The following JAK1 variants were observed in gnomAD, a reference collection of about 807,000 sequenced individuals.
JAK1 encodes tyrosine-protein kinase JAK1.
JAK1 carries 16 observed loss-of-function variants against 136.6 expected under a neutral mutation model. The observed-to-expected ratio is 0.12, with a 90% CI of 0.08 to 0.18. The LOEUF (loss-of-function observed/expected upper bound fraction) is 0.18. Among genes scored for constraint, JAK1 ranks in the 10% least tolerant of loss-of-function variants. The pLI, the probability that JAK1 is intolerant of heterozygous loss-of-function variation, is 1.00. For missense variants in JAK1, 859 were observed against 1,450.1 expected (o/e 0.59, Z 6.62); for synonymous variants, 492 against 519.5 (o/e 0.95, Z 0.72).
chr1:64,981,220 A>G (rs1646542405), intron 2 of JAK1, among the ~76,000 whole-genome samples: 1 of 152,210 alleles, frequency 6.6e-6, no homozygotes, highest in Admixed American at 6.5e-5. Context: ...TGAGTCAGGA[A>G]GGGTTTTTTG....
At chr1:64,905,534 G>T (rs1379739264) in intron 1 of JAK1, among the ~76,000 whole-genome samples, 1 of 152,138 alleles carries the variant, frequency 6.6e-6, no homozygotes, top group Non-Finnish European at 1.5e-5. Context: ...ATTGAAAGCA[G>T]ATATTGTACA....
At chr1:65,050,556 G>A (rs2100857616) in intron 1 of JAK1, among the ~76,000 whole-genome samples, 1 of 152,328 alleles carries the variant, frequency 6.6e-6, no homozygotes, top group South Asian at 2.1e-4. Context: ...GGACCACACT[G>A]CCCAGGGCAT....
upstream of JAK1, among the ~76,000 whole-genome samples, chr1:64,971,492 C>T (rs1265664242): frequency 1.3e-5 from 2 of 151,986 alleles, no homozygotes; most frequent in Non-Finnish European, 2.9e-5. Context: ...ACTACAGGTG[C>T]GTGCCATCAC....
rs375338629 is a variant in JAK1 at position 64,997,732 on chromosome 1, T to C, written c.-78+46748A>G. Among the ~76,000 whole-genome samples the C allele has an allele frequency of 1.9e-4, 29 of 152,190 alleles. 5 individuals are homozygous for C. Among genetic ancestry groups the C allele is most frequent in the Admixed American group, 3.3e-4 (5 of 15,270 alleles). On this transcript the variant is annotated intron_variant, in intron 2 of 25. Transcript: ENST00000671954. Reference sequence around the variant, plus strand: ...GGAGTGTGGGGCTGTCGGGGACTGTTGTGGGGAGGAGTCTCTTCTCCAGAA... The same window carrying C: ...GGAGTGTGGGGCTGTCGGGGACTGTCGTGGGGAGGAGTCTCTTCTCCAGAA...
chr1:64,838,643 G>A, intron 20 of JAK1, 54 bp from the exon 21 acceptor site: 1 of 1,593,096 alleles, frequency 6.3e-7, no homozygotes, highest in Non-Finnish European at 8.5e-7. Flanking sequence ...GGAACCATGG[G>A]AGAGGCAAGG....
At chr1:64,915,318 T>C (rs7539158) in intron 1 of JAK1, among the ~76,000 whole-genome samples, 5 of 152,122 alleles carry the variant, frequency 3.3e-5, no homozygotes, top group Admixed American at 1.3e-4. Flanking sequence ...CTTTGGAAAC[T>C]GGAAAGTAGT....
intron 8 of JAK1, among the ~76,000 whole-genome samples, chr1:64,862,503 ATTTC>A (rs751014399): frequency 2.1e-4 from 32 of 152,314 alleles, no homozygotes; most frequent in Admixed American, 3.9e-4. Context: ...GGAATCAAGT[ATTTC>A]TTTCTTCCTG....
rs1428531524 is a variant in JAK1, at chr1:64,833,242, A to ATATT, written c.*1316_*1319dup. 1.8e-5 allele frequency: 4 copies of ATATT among 224,950 alleles called. No individual in the cohort carries two copies. Among genetic ancestry groups the ATATT allele is most frequent in the East Asian group, 6.4e-5 (1 of 15,540 alleles). 13.9% of individuals were successfully genotyped at this position (224,950 alleles called of 1,614,324 possible). A position where few individuals can be genotyped will look rare whatever the true frequency, so the allele number is the denominator to read the frequency against. On this transcript the variant is annotated 3_prime_UTR_variant, in exon 25 of 25. Transcript: ENST00000342505. The stretch of plus-strand genomic sequence containing the variant: ...GGCATATGCATGTAAAGTCTTTAGT[A>ATATT]TATTTATTTGTATAAAGAGTAAACA...
At chr1:65,006,361 CTTTTTTA>C (rs1646803946) in intron 2 of JAK1, among the ~76,000 whole-genome samples, 1 of 151,922 alleles carries the variant, frequency 6.6e-6, no homozygotes, top group Non-Finnish European at 1.5e-5. Flanking sequence ...ATTGTTTCTT[CTTTTTTA>C]TTTTTTAAAG....
intron 11 of JAK1, among the ~76,000 whole-genome samples, chr1:64,851,591 C>T (rs1184801794): frequency 6.6e-6 from 1 of 152,186 alleles, no homozygotes; most frequent in Non-Finnish European, 1.5e-5. Context: ...AGTAGACTAT[C>T]CCCCAGATTC....
chr1:64,841,615 G>A lies in JAK1; in HGVS notation c.2404-14C>T, dbSNP rs376505919. ...GAATCTCTCTTTCTGTAAACAAGAG[G>A]GGCACATGGAAGAAACCAAAGGAAC... On this transcript the variant is annotated splice_polypyrimidine_tract_variant and intron_variant, in intron 17 of 24. Coordinates refer to ENST00000342505, the MANE Select transcript of JAK1 (RefSeq NM_002227.4). 3.2e-5 allele frequency: 51 copies of A among 1,613,092 alleles called. No homozygotes were observed. The highest frequency in any genetic ancestry group is 5.3e-5 in the African/African-American group (4 of 74,872).
At chr1:64,968,876 G>A (rs1646424406), upstream of JAK1, among the ~76,000 whole-genome samples, 1 of 146,932 alleles carries the variant, frequency 6.8e-6, no homozygotes, top group African/African-American at 2.5e-5. Context: ...AGTTTGCAGT[G>A]AGCTGAGATT....
chr1:64,892,150 A>G (rs1644947359), intron 1 of JAK1, among the ~76,000 whole-genome samples: 1 of 152,244 alleles, frequency 6.6e-6, no homozygotes, highest in Non-Finnish European at 1.5e-5. Flanking sequence ...TAATCTTATT[A>G]AAGAGCAATG....
At chr1:64,996,978 T>A (rs1253292414) in intron 2 of JAK1, among the ~76,000 whole-genome samples, 1 of 152,190 alleles carries the variant, frequency 6.6e-6, no homozygotes, top group Non-Finnish European at 1.5e-5. Context: ...CCTCTTTCAA[T>A]AATTTATATC....
intron 2 of JAK1, among the ~76,000 whole-genome samples, chr1:65,041,284 C>T (rs1647130539): frequency 6.6e-6 from 1 of 152,174 alleles, no homozygotes; most frequent in Admixed American, 6.5e-5. Flanking sequence ...GTGATTTTCT[C>T]ATTTCCCCAG....
At chr1:65,065,196 G>A (rs1330278489) in intron 1 of JAK1, among the ~76,000 whole-genome samples, 1 of 152,156 alleles carries the variant, frequency 6.6e-6, no homozygotes, top group Non-Finnish European at 1.5e-5. Flanking sequence ...TGATGTCATG[G>A]AAGGGAGACT....
chr1:64,971,114 T>C (rs545102119), upstream of JAK1, among the ~76,000 whole-genome samples: 3 of 152,358 alleles, frequency 2.0e-5, no homozygotes, highest in Admixed American at 6.5e-5. Context: ...GTACAAATCA[T>C]GAAATTTGTT....
rs575029096 is a variant in JAK1 at position 65,048,950 on chromosome 1, C to T, written c.-180-4368G>A. Among the ~76,000 whole-genome samples, 88 of 152,308 alleles carry T rather than the reference C, an allele frequency of 5.8e-4. 1 individual carries two copies. The highest frequency in any genetic ancestry group is 2.1e-3 in the African/African-American group (87 of 41,562). ...CTGCAAGTTCAAAAGCAAATGAAAT[C>T]TTTGAGGCATTTATTGGTGTTAGTA... is the stretch of plus-strand genomic sequence containing the variant. On this transcript the variant is annotated intron_variant, in intron 1 of 25. Transcript: ENST00000671954.
chr1:64,924,550 T>G (rs147887409), intron 1 of JAK1, among the ~76,000 whole-genome samples: 1 of 152,308 alleles, frequency 6.6e-6, no homozygotes, highest in Non-Finnish European at 1.5e-5. Flanking sequence ...TGAGGCCAAG[T>G]AGGGTCTTGT....
Sources: gnomAD v4.1 joint callset for allele counts (sites outside exome capture counted in the v4.1 genomes callset) on GRCh38, gnomAD v4.1.1 for gene constraint, MANE v1.5 for transcripts, NCBI Gene and HGNC (gene_info 2026-07-23, HGNC 2026-07-21) for gene names.